KCNIP4: variants seen among roughly 807,000 people sequenced by gnomAD.
KCNIP4 encodes Kv channel-interacting protein 4.
In KCNIP4, 12 loss-of-function variants were observed where a neutral mutation model predicts 34.0. That is an observed-to-expected ratio of 0.35 (90% confidence interval 0.23 to 0.57). KCNIP4 has a LOEUF of 0.57. Among genes scored for constraint, KCNIP4 ranks in the 20% least tolerant of loss-of-function variants. KCNIP4 has a pLI of 0.83. For synonymous variants in KCNIP4, 124 were observed against 102.2 expected, an observed-to-expected ratio of 1.21 and a Z score of -1.29; for missense variants, 238 against 311.7, an observed-to-expected ratio of 0.76 and a Z score of 1.78.
chr4:20,837,941 C>T (rs1719269357), intron 3 of KCNIP4, among the ~76,000 whole-genome samples: 1 of 151,690 alleles, frequency 6.6e-6, no homozygotes, highest in Non-Finnish European at 1.5e-5. Context: ...CCACCCATCT[C>T]AGCTTCTCAA....
At chr4:20,851,259 C>T (rs762570409) in intron 2 of KCNIP4, among the ~76,000 whole-genome samples, 1 of 152,174 alleles carries the variant, frequency 6.6e-6, no homozygotes, top group African/African-American at 2.4e-5. Flanking sequence ...AATCAGCTCC[C>T]ACTTACAAGT....
chr4:21,392,265 T>A (rs1413500382), intron 1 of KCNIP4, among the ~76,000 whole-genome samples: 1 of 152,148 alleles, frequency 6.6e-6, no homozygotes, highest in African/African-American at 2.4e-5. Context: ...CACAAAGCTA[T>A]AAACTAAGTG....
chr4:21,355,205 G>T (rs569696888), intron 1 of KCNIP4, among the ~76,000 whole-genome samples: 55 of 152,082 alleles, frequency 3.6e-4, no homozygotes, highest in African/African-American at 1.3e-3. Context: ...AGCAGGAAAG[G>T]TCTAAAATTG....
intron 1 of KCNIP4, among the ~76,000 whole-genome samples, chr4:21,252,373 G>T (rs946487540): frequency 6.6e-6 from 1 of 151,946 alleles, no homozygotes; most frequent in Admixed American, 6.6e-5. Flanking sequence ...TGATCCGCCC[G>T]CCTCGGCCTC....
intron 1 of KCNIP4, among the ~76,000 whole-genome samples, chr4:21,810,252 A>G (rs10938858): frequency 0.38 from 58,110 of 152,094 alleles, 12,666 homozygotes; most frequent in Non-Finnish European, 0.51. Context: ...AAACAAGAAC[A>G]ATGCATAGAA....
At chr4:20,803,923 T>C (rs890649237) in intron 3 of KCNIP4, among the ~76,000 whole-genome samples, 11 of 152,226 alleles carry the variant, frequency 7.2e-5, no homozygotes, top group African/African-American at 2.7e-4. Context: ...TGCCATTTTC[T>C]AGCTGTGTGA....
intron 1 of KCNIP4, among the ~76,000 whole-genome samples, chr4:20,916,697 G>A (rs552498226): frequency 8.6e-5 from 13 of 151,826 alleles, no homozygotes; most frequent in South Asian, 4.2e-4. Flanking sequence ...TCCCTCCCCC[G>A]GGCAGTTTTG....
At chr4:20,740,373 C>A (rs942897352) in intron 5 of KCNIP4, among the ~76,000 whole-genome samples, 1 of 152,130 alleles carries the variant, frequency 6.6e-6, no homozygotes, top group Non-Finnish European at 1.5e-5. Flanking sequence ...AGACTAACAG[C>A]GGAACTCTCG....
intron 1 of KCNIP4, among the ~76,000 whole-genome samples, chr4:21,547,855 G>A (rs889377050): frequency 1.1e-4 from 17 of 149,638 alleles, no homozygotes; most frequent in African/African-American, 3.2e-4. Context: ...TACCTTATAC[G>A]TATAGCCTGA....
At chr4:21,921,401 A>G (rs931891139) in intron 1 of KCNIP4, among the ~76,000 whole-genome samples, 5 of 152,182 alleles carry the variant, frequency 3.3e-5, no homozygotes, top group African/African-American at 1.2e-4. Context: ...TAAAGAAAAT[A>G]TACATTACAA....
At chr4:21,762,974 G>A (rs1380701660) in intron 1 of KCNIP4, 4 of 1,288,902 alleles carry the variant, frequency 3.1e-6, no homozygotes, top group Admixed American at 2.3e-5. Context: ...GGACCACTGG[G>A]TGTAAGTCTT....
intron 1 of KCNIP4, among the ~76,000 whole-genome samples, chr4:21,487,744 G>A (rs1395419285): frequency 6.6e-6 from 1 of 152,076 alleles, no homozygotes. Flanking sequence ...AATATATTGG[G>A]TTGTAATACA....
At position 21,193,602 on chromosome 4, in the gene KCNIP4, C is replaced by G. The variant is rs541876658; in HGVS notation, c.62-310893G>C. ...TTTTTTTTTTTTTTTGAGACGGAGT[C>G]TCACTCTTGGCCAGGCTGGAGTGCA... On this transcript the variant is annotated intron_variant, in intron 1 of 8. Transcript: ENST00000382152. 3.3e-5 allele frequency among the ~76,000 whole-genome samples: 4 copies of G among 119,916 alleles called. No homozygotes were observed. In the South Asian group the frequency reaches 1.1e-3, roughly 33 times the overall value. 78.7% of individuals were successfully genotyped at this position (119,916 alleles called of 152,430 possible).
At chr4:21,281,014 C>A (rs1762738551) in intron 1 of KCNIP4, among the ~76,000 whole-genome samples, 1 of 151,730 alleles carries the variant, frequency 6.6e-6, no homozygotes, top group Non-Finnish European at 1.5e-5. Flanking sequence ...GTCCTCAATT[C>A]TATAAGATAC....
chr4:21,321,079 A>G (rs1213364219), intron 1 of KCNIP4, among the ~76,000 whole-genome samples: 2 of 151,934 alleles, frequency 1.3e-5, no homozygotes, highest in South Asian at 4.1e-4. Context: ...GAAAAAATGC[A>G]TTTTTTAATC....
intron 1 of KCNIP4, among the ~76,000 whole-genome samples, chr4:21,002,021 T>C (rs1738180854): frequency 6.6e-6 from 1 of 152,214 alleles, no homozygotes; most frequent in Non-Finnish European, 1.5e-5. Flanking sequence ...TTCTAGGAAA[T>C]GTGAGCTGGG....
At chr4:21,181,187 A>G (rs2109322795) in intron 1 of KCNIP4, among the ~76,000 whole-genome samples, 1 of 152,282 alleles carries the variant, frequency 6.6e-6, no homozygotes, top group Middle Eastern at 3.4e-3. Flanking sequence ...ATTTAAGCTG[A>G]GTCTTACAAT....
intron 1 of KCNIP4, among the ~76,000 whole-genome samples, chr4:21,942,436 A>T (rs1030589728): frequency 1.3e-5 from 2 of 152,208 alleles, no homozygotes; most frequent in African/African-American, 4.8e-5. Flanking sequence ...CCCAAAGATG[A>T]CATTGATGAC....
At chr4:21,425,759 C>A (rs6844284) in intron 1 of KCNIP4, among the ~76,000 whole-genome samples, 86,726 of 151,908 alleles carry the variant, frequency 0.57, 24,846 homozygotes, top group Middle Eastern at 0.62. Context: ...GCTAACATAT[C>A]TTAAAAGTGG....
Sources: allele counts gnomAD v4.1 joint callset (sites outside exome capture counted in the v4.1 genomes callset), GRCh38; gene constraint gnomAD v4.1.1; transcripts MANE v1.5; gene names NCBI Gene and HGNC (gene_info 2026-07-23, HGNC 2026-07-21).